The following C8A variants were observed in gnomAD, a reference collection of about 807,000 sequenced individuals.
C8A encodes complement C8 alpha chain, also known as complement component C8 alpha chain.
In C8A, 67 loss-of-function variants were observed where a neutral mutation model predicts 65.3. The ratio of observed to expected loss-of-function variants is 1.03; its 90% confidence interval spans 0.84 to 1.26. The LOEUF (loss-of-function observed/expected upper bound fraction) is 1.26, where lower values mean the gene tolerates loss of function less well. Among genes scored for constraint, C8A ranks in the 50% most tolerant of loss-of-function variants. The pLI is 0.00. For missense variants in C8A, 781 were observed against 723.9 expected, an observed-to-expected ratio of 1.08 and a Z score of -0.90; for synonymous variants, 290 against 259.4, an observed-to-expected ratio of 1.12 and a Z score of -1.13.
At chr1:56,899,254 A>T (rs945434194) in intron 7 of C8A, among the ~76,000 whole-genome samples, 1 of 152,152 alleles carries the variant, frequency 6.6e-6, no homozygotes, top group Non-Finnish European at 1.5e-5. Flanking sequence ...GAACAGCTTC[A>T]TACTTAAAGG....
chr1:56,878,368 G>T (rs1046532754), intron 4 of C8A, among the ~76,000 whole-genome samples: 8 of 152,172 alleles, frequency 5.3e-5, no homozygotes, highest in Non-Finnish European at 1.2e-4. Flanking sequence ...TTTCAAAAGT[G>T]ACTATAGAGT....
At chr1:56,897,948 T>C (rs1361519008) in intron 7 of C8A, among the ~76,000 whole-genome samples, 2 of 152,100 alleles carry the variant, frequency 1.3e-5, no homozygotes, top group Non-Finnish European at 2.9e-5. Flanking sequence ...AATGTTTAAA[T>C]AGAAACAAAT....
chr1:56,884,080 A>AG (rs1327905801), intron 6 of C8A, among the ~76,000 whole-genome samples: 4 of 152,094 alleles, frequency 2.6e-5, no homozygotes, highest in African/African-American at 9.7e-5. Flanking sequence ...AAAAAAAAAA[A>AG]AAAAAATTTC....
chr1:56,898,432 A>G (rs896330684), intron 7 of C8A, among the ~76,000 whole-genome samples: 1 of 152,162 alleles, frequency 6.6e-6, no homozygotes, highest in Non-Finnish European at 1.5e-5. Flanking sequence ...TATACTGAGC[A>G]ACGTACTGGT....
intron 9 of C8A, among the ~76,000 whole-genome samples, chr1:56,911,580 G>A (rs1168335568): frequency 6.6e-6 from 1 of 152,220 alleles, no homozygotes; most frequent in Non-Finnish European, 1.5e-5. Flanking sequence ...CTGGAAGGGG[G>A]CTGCTGGCAT....
rs558530523 is a variant in C8A at position 56,894,945 on chromosome 1, A to G, written c.1096+8778A>G. ...TTTTCTTATTCACTATTTTGTTTTA[A>G]TACAATGTTTTTGCGTATAATAACA... On this transcript the variant is annotated intron_variant, in intron 7 of 10. Coordinates refer to ENST00000361249, the MANE Select transcript of C8A (RefSeq NM_000562.3). Among the ~76,000 whole-genome samples, 5 of 152,250 alleles carry G rather than the reference A, an allele frequency of 3.3e-5. No homozygotes were observed. In the South Asian group the frequency reaches 1.0e-3, roughly 32 times the overall value.
In C8A at chr1:56,896,523, G is replaced by A. The variant is rs182699181; in HGVS notation, c.1097-10144G>A. ...AAGACTCTTCTCTTATTCAGAGGAAGGTCAGTCTTTTTGTTCTAGTCAGTC... is the reference window on the plus strand; with the variant it reads ...AAGACTCTTCTCTTATTCAGAGGAAAGTCAGTCTTTTTGTTCTAGTCAGTC... On this transcript the variant is annotated intron_variant, in intron 7 of 10. Transcript: ENST00000361249. Among the ~76,000 whole-genome samples, 62 of 152,272 alleles carry A rather than the reference G, an allele frequency of 4.1e-4. 1 individual carries two copies. The highest frequency in any genetic ancestry group is 2.5e-3 in the Admixed American group (38 of 15,300).
chr1:56,857,078 C>T (rs1447510065), intron 1 of C8A, among the ~76,000 whole-genome samples: 1 of 151,922 alleles, frequency 6.6e-6, no homozygotes, highest in East Asian at 1.9e-4. Context: ...AGAGTGTGAT[C>T]AACCTTAGTG....
At chr1:56,874,524 G>C (rs1644178762) in intron 2 of C8A, among the ~76,000 whole-genome samples, 1 of 152,172 alleles carries the variant, frequency 6.6e-6, no homozygotes, top group Non-Finnish European at 1.5e-5. Context: ...TATGAAAATT[G>C]CTCACAGTCT....
At position 56,912,387 on chromosome 1, in the gene C8A, C is replaced by T. The variant is rs905031963; in HGVS notation, c.1381-16C>T. Reference sequence around the variant, plus strand: ...AGAGCCCAGGGAGGGGCCCTGTGTTCTTTCTGTGCCCACAGATGCAGCCTA... The same window carrying T: ...AGAGCCCAGGGAGGGGCCCTGTGTTTTTTCTGTGCCCACAGATGCAGCCTA... On this transcript the variant is annotated splice_polypyrimidine_tract_variant and intron_variant, in intron 9 of 10. Transcript: ENST00000361249. 1 of 1,613,262 alleles carries T rather than the reference C, an allele frequency of 6.2e-7. No homozygotes were observed. Among genetic ancestry groups the T allele is most frequent in the South Asian group, 1.1e-5 (1 of 91,044 alleles).
rs576082961 is a variant in C8A, at chr1:56,902,904, G to T, written c.1097-3763G>T. 7.2e-5 allele frequency among the ~76,000 whole-genome samples: 11 copies of T among 152,204 alleles called. No individual in the cohort carries two copies. The South Asian group carries it at 2.1e-3, about 29-fold the overall frequency. ...ATTTTTTAAAGCATTTTTGCACACA[G>T]CTCTGAGTTTCCCTAATCTATGGAG... On this transcript the variant is annotated intron_variant, in intron 7 of 10. Transcript: ENST00000361249.
intron 7 of C8A, among the ~76,000 whole-genome samples, chr1:56,889,635 C>T (rs1289452931): frequency 2.0e-5 from 3 of 151,974 alleles, no homozygotes; most frequent in South Asian, 2.1e-4. Context: ...TAAGAGACAT[C>T]CTGTGTGGTG....
chr1:56,915,740 G>T (rs528958381), intron 10 of C8A, among the ~76,000 whole-genome samples: 1 of 152,294 alleles, frequency 6.6e-6, no homozygotes, highest in African/African-American at 2.4e-5. Flanking sequence ...TTTGCTCAAG[G>T]TCACCTAGCT....
chr1:56,878,056 T>A (rs994451352), intron 4 of C8A, among the ~76,000 whole-genome samples: 5 of 152,284 alleles, frequency 3.3e-5, no homozygotes, highest in African/African-American at 1.2e-4. Flanking sequence ...AGTCAGGGTG[T>A]CAGCAGAGTG....
intron 7 of C8A, among the ~76,000 whole-genome samples, chr1:56,898,936 T>C (rs1417235721): frequency 6.6e-6 from 1 of 152,190 alleles, no homozygotes; most frequent in African/African-American, 2.4e-5. Flanking sequence ...AGGTCCTATG[T>C]TCATGGCTAA....
intron 7 of C8A, among the ~76,000 whole-genome samples, chr1:56,894,182 C>T (rs115510402): frequency 0.018 from 2,701 of 152,126 alleles, 74 homozygotes; most frequent in South Asian, 0.12. Context: ...CTGCAAACAC[C>T]CAGCTCTGAA....
At chr1:56,866,728 G>A (rs1644092335) in intron 1 of C8A, among the ~76,000 whole-genome samples, 1 of 152,162 alleles carries the variant, frequency 6.6e-6, no homozygotes, top group Non-Finnish European at 1.5e-5. Context: ...TGGTACTATG[G>A]GAAGAGGCTA....
At chr1:56,909,179 C>T (rs1412997921) in intron 9 of C8A, among the ~76,000 whole-genome samples, 2 of 152,220 alleles carry the variant, frequency 1.3e-5, no homozygotes, top group East Asian at 3.8e-4. Context: ...AGTTGCCAAA[C>T]TATTTCTGTC....
rs185412312 is a variant in C8A at position 56,885,373 on chromosome 1, T to C, written c.856-554T>C. Among the ~76,000 whole-genome samples, 23 of 95,972 alleles carry C rather than the reference T, an allele frequency of 2.4e-4. 1 individual carries two copies. Among genetic ancestry groups the C allele is most frequent in the South Asian group, 7.1e-4 (2 of 2,816 alleles). The allele number at this position is 95,972 out of a possible 152,430, so 63.0% of individuals were successfully genotyped here. A position where few individuals can be genotyped will look rare whatever the true frequency, so the allele number is the denominator to read the frequency against. On this transcript the variant is annotated intron_variant, in intron 6 of 10. Transcript: ENST00000361249. ...ATATATTTATGTAAATATATATTTA[T>C]ATTTATTTAAATATATATTTAAATA...
Sources: gnomAD v4.1 joint callset for allele counts (sites outside exome capture counted in the v4.1 genomes callset) on GRCh38, gnomAD v4.1.1 for gene constraint, MANE v1.5 for transcripts, NCBI Gene and HGNC (gene_info 2026-07-23, HGNC 2026-07-21) for gene names.